The following VPS13B variants were observed in gnomAD, a reference collection of about 807,000 sequenced individuals.
VPS13B encodes the protein intermembrane lipid transfer protein VPS13B.
In VPS13B, 285 loss-of-function variants were observed where a neutral mutation model predicts 426.4. That is an observed-to-expected ratio of 0.67 (90% confidence interval 0.61 to 0.74). VPS13B has a LOEUF of 0.74. VPS13B is among the 30% of genes least tolerant of loss of function. The probability of loss-of-function intolerance (pLI) is 0.00; values close to 1 mark genes in which losing one functional copy is unlikely to be tolerated. For missense variants in VPS13B, 4,537 were observed against 4,782.6 expected, an observed-to-expected ratio of 0.95 and a Z score of 1.51; for synonymous variants, 1,676 against 1,676.4, an observed-to-expected ratio of 1.00 and a Z score of 0.01.
At chr8:99,568,383 C>T (rs926046869) in intron 31 of VPS13B, among the ~76,000 whole-genome samples, 5 of 151,604 alleles carry the variant, frequency 3.3e-5, no homozygotes, top group Non-Finnish European at 7.4e-5. Flanking sequence ...CTCTGCCTCC[C>T]GGGTTCAAGC....
chr8:99,191,478 AG>A (rs1813590441), intron 16 of VPS13B, among the ~76,000 whole-genome samples: 1 of 137,424 alleles, frequency 7.3e-6, no homozygotes, highest in South Asian at 2.3e-4. Context: ...CTGCCTCCTG[AG>A]TTTAAGCAAT....
intron 39 of VPS13B, among the ~76,000 whole-genome samples, chr8:99,724,274 A>G (rs1374846490): frequency 6.6e-6 from 1 of 152,166 alleles, no homozygotes; most frequent in African/African-American, 2.4e-5. Flanking sequence ...TCAATCCTTC[A>G]GTCTAGCAGG....
chr8:99,859,412 G>T lies in VPS13B; in HGVS notation c.10976G>T (p.Arg3659Leu), dbSNP rs370507425. 6.2e-7 allele frequency: 1 copy of T among 1,614,120 alleles called. No individual in the cohort carries two copies. Among genetic ancestry groups the T allele is most frequent in the South Asian group, 1.1e-5 (1 of 91,082 alleles). Residue 3659 changes from arginine (R) to leucine (L), a missense_variant, in exon 57 of 62, where the codon CGG becomes CTG. Transcript: ENST00000357162. ...FFRLPYEGLT[R>L]GPGAFVSGVS... The stretch of plus-strand genomic sequence containing the variant: ...AGGCTTCCGTATGAGGGGCTGACCC[G>T]GGGCCCTGGAGCCTTCGTGAGTGGC...
intron 23 of VPS13B, among the ~76,000 whole-genome samples, chr8:99,448,567 A>G (rs568669041): frequency 6.6e-6 from 1 of 152,246 alleles, no homozygotes; most frequent in Admixed American, 6.5e-5. Context: ...CCAGATAGAA[A>G]ACTGATTTGG....
At chr8:99,223,967 AC>A in intron 17 of VPS13B, among the ~76,000 whole-genome samples, 1 of 152,226 alleles carries the variant, frequency 6.6e-6, no homozygotes, top group East Asian at 1.9e-4. Context: ...TAGGTCATTC[AC>A]AACTGCATTC....
At chr8:99,248,330 A>G (rs981875202) in intron 17 of VPS13B, among the ~76,000 whole-genome samples, 2 of 152,162 alleles carry the variant, frequency 1.3e-5, no homozygotes, top group African/African-American at 2.4e-5. Context: ...AATTTCTTTC[A>G]ATGTATACAT....
chr8:99,303,730 CAA>C (rs58708195), intron 19 of VPS13B, among the ~76,000 whole-genome samples: 47 of 63,710 alleles, frequency 7.4e-4, no homozygotes, highest in African/African-American at 2.7e-3. Flanking sequence ...GACTCCGTCT[CAA>C]AAAAAAAAAA....
chr8:99,366,940 A>G (rs1438841259), intron 19 of VPS13B, among the ~76,000 whole-genome samples: 2 of 152,110 alleles, frequency 1.3e-5, no homozygotes, highest in Non-Finnish European at 2.9e-5. Context: ...TTTTCTATGT[A>G]TATCTTATTG....
intron 7 of VPS13B, among the ~76,000 whole-genome samples, chr8:99,116,185 G>A (rs553289808): frequency 7.2e-5 from 10 of 138,816 alleles, no homozygotes; most frequent in Admixed American, 6.5e-4. Flanking sequence ...GCATCACCAC[G>A]CCTGTGTAAT....
At chr8:99,230,011 A>G (rs1485433066) in intron 17 of VPS13B, among the ~76,000 whole-genome samples, 1 of 152,194 alleles carries the variant, frequency 6.6e-6, no homozygotes, top group Non-Finnish European at 1.5e-5. Flanking sequence ...TCTGCAGAAA[A>G]CACACATTAA....
chr8:99,444,938 C>T (rs1029461406), intron 23 of VPS13B, among the ~76,000 whole-genome samples: 3 of 151,986 alleles, frequency 2.0e-5, no homozygotes, highest in Non-Finnish European at 4.4e-5. Context: ...TATTAGTCAC[C>T]CTGCCCAACC....
chr8:99,793,134 G>C (rs1034293077), intron 43 of VPS13B, among the ~76,000 whole-genome samples: 2 of 150,254 alleles, frequency 1.3e-5, no homozygotes, highest in Admixed American at 6.6e-5. Flanking sequence ...ACCCTTTGAG[G>C]CAGAGTTTGC....
At chr8:99,222,905 C>T (rs118131711) in intron 17 of VPS13B, among the ~76,000 whole-genome samples, 5,736 of 152,286 alleles carry the variant, frequency 0.038, 133 homozygotes, top group Middle Eastern at 0.068. Context: ...GGCATGATCT[C>T]GGCTTACAGC....
At chr8:99,585,559 A>G (rs2133826619) in intron 33 of VPS13B, among the ~76,000 whole-genome samples, 1 of 152,334 alleles carries the variant, frequency 6.6e-6, no homozygotes. Flanking sequence ...AAAGCACTAT[A>G]TCGGTAGAAT....
At chr8:99,570,602 A>G (rs893071657) in intron 31 of VPS13B, among the ~76,000 whole-genome samples, 1 of 151,572 alleles carries the variant, frequency 6.6e-6, no homozygotes, top group East Asian at 1.9e-4. Flanking sequence ...GTTTTTAGTA[A>G]TTTTAAGCAA....
At chr8:99,713,978 A>G (rs774140460) in intron 36 of VPS13B, among the ~76,000 whole-genome samples, 21 of 152,082 alleles carry the variant, frequency 1.4e-4, no homozygotes, top group Non-Finnish European at 2.4e-4. Flanking sequence ...CATCTCTACT[A>G]AAAAGACAAA....
At chr8:99,821,650 C>CT (rs947824994) in intron 50 of VPS13B, among the ~76,000 whole-genome samples, 168 bp downstream of exon 50, 4 of 151,926 alleles carry the variant, frequency 2.6e-5, no homozygotes, top group African/African-American at 9.7e-5. Context: ...TTTTACAGTG[C>CT]TTTTTTTTCT....
intron 39 of VPS13B, among the ~76,000 whole-genome samples, chr8:99,733,101 A>G (rs1833670380): frequency 6.6e-6 from 1 of 152,230 alleles, no homozygotes; most frequent in Non-Finnish European, 1.5e-5. Flanking sequence ...GTAAAAAATG[A>G]AAGAATAGTA....
chr8:99,476,463 A>G (rs983228024), intron 24 of VPS13B, among the ~76,000 whole-genome samples: 1 of 151,304 alleles, frequency 6.6e-6, no homozygotes, highest in Non-Finnish European at 1.5e-5. Flanking sequence ...TGCTACATGT[A>G]AGGCAGACAT....
Sources: gnomAD v4.1 joint callset for allele counts (sites outside exome capture counted in the v4.1 genomes callset) on GRCh38, gnomAD v4.1.1 for gene constraint, MANE v1.5 for transcripts, NCBI Gene and HGNC (gene_info 2026-07-23, HGNC 2026-07-21) for gene names.